The following RFX3 variants were observed in gnomAD, a reference collection of about 807,000 sequenced individuals.
RFX3 encodes regulatory factor X3.
A neutral mutation model predicts 98.6 loss-of-function variants in RFX3; 14 were observed. That is an observed-to-expected ratio of 0.14 (90% CI 0.09 to 0.22). RFX3 has a LOEUF of 0.22. RFX3 is among the 10% of genes least tolerant of loss of function. The pLI, the probability that RFX3 is intolerant of heterozygous loss-of-function variation, is 1.00. For missense variants in RFX3, 639 were observed against 926.9 expected, an observed-to-expected ratio of 0.69 and a Z score of 4.03; for synonymous variants, 383 against 328.4, an observed-to-expected ratio of 1.17 and a Z score of -1.80.
At chr9:3,463,643 G>A (rs72699085) in intron 1 of RFX3, among the ~76,000 whole-genome samples, 2,267 of 152,032 alleles carry the variant, frequency 0.015, 25 homozygotes, top group Non-Finnish European at 0.024. Flanking sequence ...TATATATACA[G>A]AACTCAATAA....
intron 14 of RFX3, among the ~76,000 whole-genome samples, chr9:3,256,300 T>A (rs1430113951): frequency 2.6e-5 from 4 of 151,768 alleles, no homozygotes; most frequent in Admixed American, 6.6e-5. Context: ...CACCAAGATT[T>A]TGATTTAGTA....
At chr9:3,366,754 T>TTTCTTTC (rs1339066119) in intron 2 of RFX3, among the ~76,000 whole-genome samples, 5 of 72,734 alleles carry the variant, frequency 6.9e-5, no homozygotes, top group African/African-American at 2.6e-4. Context: ...TTCTTTCTTT[T>TTTCTTTC]TGGCTATTCT....
intron 1 of RFX3, among the ~76,000 whole-genome samples, chr9:3,414,164 T>C (rs1179050316): frequency 6.6e-6 from 1 of 152,128 alleles, no homozygotes; most frequent in Non-Finnish European, 1.5e-5. Flanking sequence ...GAGCTCAACA[T>C]TGGCAAAAGA....
chr9:3,330,507 T>G lies in RFX3; in HGVS notation c.226A>C (p.Thr76Pro). The G allele has an allele frequency of 6.2e-7, 1 of 1,605,770 alleles. No individual in the cohort carries two copies. Among genetic ancestry groups the G allele is most frequent in the Non-Finnish European group, 8.5e-7 (1 of 1,173,166 alleles). The change falls in exon 4 of 17, where the codon ACG becomes CCG. Residue 76 changes from threonine to proline, a missense_variant. Thr to Pro is a conservative substitution (Grantham distance 38). Transcript: ENST00000617270. ...ATCTGTGTCTCTGTGTAAGGATACG[T>G]TGTTGTTCGGCTTTAGAAGAAGAAG... ...VYTNGAIRTT[T>P]YPYTETQMYS... is the part of the protein sequence containing the mutation.
chr9:3,318,090 C>G (rs995800488), intron 4 of RFX3, among the ~76,000 whole-genome samples: 2 of 152,220 alleles, frequency 1.3e-5, no homozygotes, highest in Non-Finnish European at 2.9e-5. Flanking sequence ...TACTGCAGCA[C>G]TATTCACAAT....
At chr9:3,249,105 A>C (rs1282966806) in intron 14 of RFX3, among the ~76,000 whole-genome samples, 1 of 152,124 alleles carries the variant, frequency 6.6e-6, no homozygotes, top group Non-Finnish European at 1.5e-5. Context: ...GATTTTTGGC[A>C]GATGAACACT....
At chr9:3,266,041 T>C (rs1055297794) in intron 12 of RFX3, among the ~76,000 whole-genome samples, 167 bp downstream of exon 12, 3 of 152,052 alleles carry the variant, frequency 2.0e-5, no homozygotes, top group Admixed American at 1.3e-4. Flanking sequence ...TTGTGCAAGT[T>C]CTTTACTACA....
Position 3,395,582 on chromosome 9 carries a change from T to A in RFX3, c.7A>T (p.Thr3Ser). 6.2e-7 allele frequency: 1 copy of A among 1,614,108 alleles called. No homozygotes were observed. The highest frequency in any genetic ancestry group is 8.5e-7 in the Non-Finnish European group (1 of 1,179,966). The change falls in exon 2 of 17, where the codon ACA (threonine) becomes TCA (serine). Residue 3 changes from threonine (T) to serine (S), a missense_variant. Around this residue, in one of 9 missense-constraint regions of RFX3, gnomAD observed 210 missense variants for 197.7 expected, o/e 1.06. Transcript: ENST00000617270. ...CCTGTGTCCGACCCAGTCTCTGATG[T>A]CTGCATGATGGTCTCTGAAATAGAT... MQ[T>S]SETGSDTGST...
chr9:3,249,579 T>C (rs1214735024), intron 14 of RFX3, among the ~76,000 whole-genome samples: 2 of 152,158 alleles, frequency 1.3e-5, no homozygotes, highest in African/African-American at 4.8e-5. Flanking sequence ...GACTTTCTCA[T>C]TCTCATTTAT....
intron 1 of RFX3, among the ~76,000 whole-genome samples, chr9:3,426,893 A>C (rs10971975): frequency 0.094 from 14,228 of 152,098 alleles, 1,425 homozygotes; most frequent in East Asian, 0.57. Context: ...ATGTATTTGA[A>C]TCATTCCTCC....
chr9:3,501,542 A>ATTT (rs927299024), intron 1 of RFX3, among the ~76,000 whole-genome samples: 1 of 135,318 alleles, frequency 7.4e-6, no homozygotes, highest in African/African-American at 2.8e-5. Flanking sequence ...AAAGATACAT[A>ATTT]TTTTTTTCCT....
At chr9:3,376,258 G>C (rs1360372515) in intron 2 of RFX3, among the ~76,000 whole-genome samples, 2 of 152,122 alleles carry the variant, frequency 1.3e-5, no homozygotes, top group Non-Finnish European at 2.9e-5. Flanking sequence ...AGTATAACCA[G>C]TTTGAAAAAT....
intron 12 of RFX3, among the ~76,000 whole-genome samples, chr9:3,264,561 T>G (rs961534591): frequency 2.2e-4 from 34 of 152,310 alleles, no homozygotes; most frequent in African/African-American, 7.5e-4. Flanking sequence ...CTGGGTTAAG[T>G]GCCTTACATA....
intron 1 of RFX3, among the ~76,000 whole-genome samples, chr9:3,407,533 T>G (rs2132114917): frequency 6.6e-6 from 1 of 152,272 alleles, no homozygotes; most frequent in African/African-American, 2.4e-5. Context: ...CTATATCACC[T>G]ACTAAGTCAA....
intron 14 of RFX3, among the ~76,000 whole-genome samples, chr9:3,248,566 G>A (rs1423321693): frequency 1.3e-5 from 2 of 152,136 alleles, no homozygotes; most frequent in Non-Finnish European, 2.9e-5. Context: ...ATTGATGAAG[G>A]TTGGCAGTCT....
intron 1 of RFX3, among the ~76,000 whole-genome samples, chr9:3,399,915 C>T (rs537883220): frequency 6.6e-6 from 1 of 150,810 alleles, no homozygotes; most frequent in African/African-American, 2.4e-5. Flanking sequence ...TTCCACTGCA[C>T]TCCAGCCTGG....
chr9:3,475,575 G>A (rs1177741509), intron 1 of RFX3, among the ~76,000 whole-genome samples: 2 of 152,170 alleles, frequency 1.3e-5, no homozygotes, highest in Non-Finnish European at 2.9e-5. Context: ...CGCATATACA[G>A]CGTATGCAAT....
At chr9:3,309,099 A>C (rs1829668340) in intron 4 of RFX3, among the ~76,000 whole-genome samples, 1 of 152,192 alleles carries the variant, frequency 6.6e-6, no homozygotes, top group Non-Finnish European at 1.5e-5. Context: ...AGGTAGATTC[A>C]AGAAAAATGC....
chr9:3,422,437 C>T (rs552387611), intron 1 of RFX3, among the ~76,000 whole-genome samples: 3 of 152,320 alleles, frequency 2.0e-5, no homozygotes, highest in Non-Finnish European at 4.4e-5. Flanking sequence ...CTATTCCACC[C>T]TGGCATGGGG....
Sources: gnomAD v4.1 joint callset for allele counts (sites outside exome capture counted in the v4.1 genomes callset) on GRCh38, gnomAD v4.1.1 for gene constraint, gnomAD v4.1.1 regional missense constraint, MANE v1.5 for transcripts, NCBI Gene and HGNC (gene_info 2026-07-23, HGNC 2026-07-21) for gene names.